The following DNAH14 variants were observed in gnomAD, a reference collection of about 807,000 sequenced individuals.
DNAH14 encodes the protein dynein axonemal heavy chain 14, also known as axonemal beta dynein heavy chain 14.
In DNAH14, 478 loss-of-function variants were observed where a neutral mutation model predicts 520.9. That is an observed-to-expected ratio of 0.92 (90% CI 0.85 to 0.99). DNAH14 has a LOEUF of 0.99. Among genes scored for constraint, DNAH14 ranks in the 50% least tolerant of loss-of-function variants. The probability of loss-of-function intolerance (pLI) is 0.00; values close to 1 mark genes in which losing one functional copy is unlikely to be tolerated. For missense variants in DNAH14, 4,831 were observed against 5,234.5 expected, an observed-to-expected ratio of 0.92 and a Z score of 2.38; for synonymous variants, 1,581 against 1,757.2, an observed-to-expected ratio of 0.90 and a Z score of 2.51.
At chr1:225,157,101 T>A (rs1037023545) in intron 34 of DNAH14, among the ~76,000 whole-genome samples, 1 of 151,966 alleles carries the variant, frequency 6.6e-6, no homozygotes, top group Non-Finnish European at 1.5e-5. Flanking sequence ...GTAGGGGGCA[T>A]TTTTTTTCTT....
At chr1:225,144,211 T>A (rs1394685847) in intron 28 of DNAH14, among the ~76,000 whole-genome samples, 186 bp from the exon 29 acceptor site, 2 of 152,222 alleles carry the variant, frequency 1.3e-5, no homozygotes, top group Admixed American at 1.3e-4. Context: ...GTTCTACTAT[T>A]TCATACCTAA....
rs1253167558 is a variant in DNAH14 at position 225,212,476 on chromosome 1, G to T, written c.6439+5256G>T. On this transcript the variant is annotated intron_variant, in intron 41 of 85. Coordinates refer to ENST00000682510, the MANE Select transcript of DNAH14 (RefSeq NM_001367479.1). ...TCTAGTTCTAGATCCCTGAGGAATC[G>T]CCACACTGTCTTCCACAATGATTGA... is the stretch of plus-strand genomic sequence containing the variant. 2.6e-5 allele frequency among the ~76,000 whole-genome samples: 4 copies of T among 152,198 alleles called. No homozygotes were observed. In the South Asian group the frequency reaches 8.3e-4, roughly 32 times the overall value.
intron 56 of DNAH14, among the ~76,000 whole-genome samples, chr1:225,301,435 C>T (rs1297126325): frequency 6.6e-6 from 1 of 151,970 alleles, no homozygotes; most frequent in Non-Finnish European, 1.5e-5. Flanking sequence ...TTTGAATAGT[C>T]CTAGAATTGA....
At chr1:224,987,815 A>G (rs2062749792) in intron 8 of DNAH14, among the ~76,000 whole-genome samples, 1 of 151,972 alleles carries the variant, frequency 6.6e-6, no homozygotes, top group South Asian at 2.1e-4. Context: ...TTTAGTAGAG[A>G]TGAGGTTTCA....
At position 225,303,165 on chromosome 1, in the gene DNAH14, A is replaced by G. The variant is rs2094172235; in HGVS notation, c.8641A>G (p.Lys2881Glu). 1 of 1,483,714 alleles carries G rather than the reference A, an allele frequency of 6.7e-7. No individual in the cohort carries two copies. The highest frequency in any genetic ancestry group is 9.0e-7 in the Non-Finnish European group (1 of 1,114,880). 91.9% of individuals were successfully genotyped at this position (1,483,714 alleles called of 1,614,324 possible). The change falls in exon 57 of 86, where the codon AAA becomes GAA. Residue 2881 changes from lysine to glutamate, a missense_variant. Lys to Glu is a moderately conservative substitution (Grantham distance 56, BLOSUM62 1). Coordinates refer to ENST00000682510, the MANE Select transcript of DNAH14 (RefSeq NM_001367479.1). ...LLSFFQKRIYKNLHIFVIMSP... is the reference protein window; with the variant it reads ...LLSFFQKRIYENLHIFVIMSP... ...TTTCATTAATTTTCAGAGAATATAT[A>G]AAAATCTTCATATTTTTGTGATCAT...
At chr1:224,962,949 C>G (rs2060935370) in intron 4 of DNAH14, among the ~76,000 whole-genome samples, 1 of 152,040 alleles carries the variant, frequency 6.6e-6, no homozygotes, top group Admixed American at 6.6e-5. Flanking sequence ...AAGGGGAATA[C>G]CCTTGCCAAT....
At chr1:225,184,915 A>G (rs1013611370) in intron 36 of DNAH14, among the ~76,000 whole-genome samples, 11 of 152,142 alleles carry the variant, frequency 7.2e-5, no homozygotes, top group Non-Finnish European at 4.4e-5. Context: ...CCTAGCCAGA[A>G]CAACCAGGTA....
chr1:225,248,371 A>G (rs910298899), intron 43 of DNAH14, among the ~76,000 whole-genome samples: 2 of 152,158 alleles, frequency 1.3e-5, no homozygotes, highest in African/African-American at 4.8e-5. Flanking sequence ...AAAAGACAAA[A>G]TCAAAATTAT....
chr1:225,376,917 C>T (rs886374399), intron 78 of DNAH14, among the ~76,000 whole-genome samples: 1 of 152,030 alleles, frequency 6.6e-6, no homozygotes, highest in African/African-American at 2.4e-5. Context: ...TTTGTTCAAG[C>T]CTTATTGCAT....
At chr1:225,360,060 C>T (rs1245068924) in intron 74 of DNAH14, among the ~76,000 whole-genome samples, 2 of 152,184 alleles carry the variant, frequency 1.3e-5, no homozygotes, top group African/African-American at 4.8e-5. Context: ...CATGTGTTCT[C>T]ATTGCTCAGT....
At chr1:225,153,041 A>G (rs559203196) in intron 33 of DNAH14, among the ~76,000 whole-genome samples, 158 bp downstream of exon 33, 1 of 152,286 alleles carries the variant, frequency 6.6e-6, no homozygotes, top group Admixed American at 6.5e-5. Flanking sequence ...CCATCAACAT[A>G]TAAAGTCCAT....
intron 69 of DNAH14, among the ~76,000 whole-genome samples, chr1:225,344,197 C>G (rs1288038225): frequency 6.7e-6 from 1 of 149,558 alleles, no homozygotes; most frequent in African/African-American, 2.5e-5. Flanking sequence ...TTTTCCTCCT[C>G]CTTTCTAGGA....
intron 8 of DNAH14, among the ~76,000 whole-genome samples, chr1:224,975,785 C>T (rs1332357863): frequency 1.3e-5 from 2 of 151,180 alleles, no homozygotes; most frequent in South Asian, 2.1e-4. Context: ...ATTGTGTTTG[C>T]TCTTGCTTTT....
intron 36 of DNAH14, among the ~76,000 whole-genome samples, chr1:225,180,387 A>G (rs2083839783): frequency 6.6e-6 from 1 of 152,188 alleles, no homozygotes; most frequent in Non-Finnish European, 1.5e-5. Flanking sequence ...GTAAATTATA[A>G]AGAAAAGAGG....
intron 36 of DNAH14, among the ~76,000 whole-genome samples, chr1:225,177,456 G>T (rs939472550): frequency 5.9e-5 from 9 of 152,296 alleles, no homozygotes; most frequent in African/African-American, 2.2e-4. Context: ...GGATCCAAAT[G>T]TTAATCCCCA....
intron 8 of DNAH14, among the ~76,000 whole-genome samples, chr1:224,983,356 A>T (rs2125706463): frequency 6.6e-6 from 1 of 152,252 alleles, no homozygotes; most frequent in South Asian, 2.1e-4. Context: ...ATGTTAGGTG[A>T]GGTTATGATC....
chr1:225,150,736 A>AT (rs34780466), intron 31 of DNAH14, among the ~76,000 whole-genome samples: 7 of 149,022 alleles, frequency 4.7e-5, no homozygotes, highest in Non-Finnish European at 9.0e-5. Context: ...TTCCACATAC[A>AT]TTTTTTTTTT....
At chr1:225,279,352 T>C (rs2093572809) in intron 54 of DNAH14, among the ~76,000 whole-genome samples, 1 of 152,182 alleles carries the variant, frequency 6.6e-6, no homozygotes, top group Admixed American at 6.5e-5. Context: ...ATAGATCTTT[T>C]TCATGGGTCA....
chr1:225,397,421 C>T (rs957629455), intron 84 of DNAH14: 1 of 152,718 alleles, frequency 6.5e-6, no homozygotes, highest in African/African-American at 2.4e-5. Flanking sequence ...TCCCCTGTGT[C>T]AACAAGCTGG....
Sources: allele counts gnomAD v4.1 joint callset (sites outside exome capture counted in the v4.1 genomes callset), GRCh38; gene constraint gnomAD v4.1.1; transcripts MANE v1.5; gene names NCBI Gene and HGNC (gene_info 2026-07-23, HGNC 2026-07-21).